Variants in ELMO1 observed in about 807,000 individuals in gnomAD.
ELMO1 encodes the protein engulfment and cell motility protein 1.
A neutral mutation model predicts 98.9 loss-of-function variants in ELMO1; 26 were observed. The ratio of observed to expected loss-of-function variants is 0.26; its 90% CI spans 0.19 to 0.36. ELMO1 has a LOEUF of 0.36. Among genes scored for constraint, ELMO1 ranks in the 10% least tolerant of loss-of-function variants. The probability of loss-of-function intolerance (pLI) is 1.00; values close to 1 mark genes in which losing one functional copy is unlikely to be tolerated. For missense variants in ELMO1, 627 were observed against 935.2 expected, an observed-to-expected ratio of 0.67 and a Z score of 4.30; for synonymous variants, 346 against 346.0, an observed-to-expected ratio of 1.00 and a Z score of 0.00.
intron 16 of ELMO1, among the ~76,000 whole-genome samples, chr7:36,917,095 G>A (rs1784743487): frequency 6.6e-6 from 1 of 152,172 alleles, no homozygotes; most frequent in Non-Finnish European, 1.5e-5. Context: ...AAATGTTTTA[G>A]TGCAAATAAT....
At chr7:37,163,603 T>C (rs1427599666) in intron 13 of ELMO1, among the ~76,000 whole-genome samples, 1 of 152,158 alleles carries the variant, frequency 6.6e-6, no homozygotes, top group Admixed American at 6.5e-5. Context: ...TTTGGTTTTT[T>C]GTTCTTGCGA....
intron 1 of ELMO1, among the ~76,000 whole-genome samples, chr7:37,387,745 G>T (rs990959206): frequency 1.3e-5 from 2 of 152,186 alleles, no homozygotes; most frequent in Admixed American, 1.3e-4. Flanking sequence ...ATGTACTTTT[G>T]TATAGAAAAG....
intron 18 of ELMO1, among the ~76,000 whole-genome samples, chr7:36,878,940 T>C (rs1370401803): frequency 1.3e-5 from 2 of 152,216 alleles, no homozygotes; most frequent in African/African-American, 4.8e-5. Flanking sequence ...TGCAGCTGTC[T>C]CCTCCAGGAA....
chr7:37,150,512 T>C (rs563611286), intron 13 of ELMO1, among the ~76,000 whole-genome samples: 31 of 152,196 alleles, frequency 2.0e-4, no homozygotes, highest in Middle Eastern at 6.8e-3. Context: ...TTTATGTGCA[T>C]AGAGTATTTA....
intron 4 of ELMO1, among the ~76,000 whole-genome samples, chr7:37,286,996 C>A (rs1010301900): frequency 3.9e-5 from 6 of 152,126 alleles, no homozygotes; most frequent in African/African-American, 1.4e-4. Flanking sequence ...AGTTTGACAG[C>A]AGCCTGGCCA....
At chr7:36,860,489 A>G (rs997795638) in intron 21 of ELMO1, among the ~76,000 whole-genome samples, 2 of 152,260 alleles carry the variant, frequency 1.3e-5, no homozygotes, top group African/African-American at 4.8e-5. Flanking sequence ...CATTGTATCT[A>G]TAAGAAGTGG....
At chr7:37,400,154 G>C (rs1376497990) in intron 1 of ELMO1, among the ~76,000 whole-genome samples, 1 of 152,200 alleles carries the variant, frequency 6.6e-6, no homozygotes, top group Non-Finnish European at 1.5e-5. Context: ...TTGTAAATGA[G>C]ATGACACATG....
At chr7:37,259,789 ACT>A (rs1300821309) in intron 5 of ELMO1, among the ~76,000 whole-genome samples, 2 of 152,194 alleles carry the variant, frequency 1.3e-5, no homozygotes, top group African/African-American at 4.8e-5. Context: ...TTCAGTCAAT[ACT>A]CTGAGTAATA....
chr7:37,334,908 G>C (rs1344027040), intron 2 of ELMO1, among the ~76,000 whole-genome samples: 1 of 152,148 alleles, frequency 6.6e-6, no homozygotes, highest in Non-Finnish European at 1.5e-5. Flanking sequence ...GGGTAGGCGT[G>C]CTATTATAAT....
Position 36,886,612 on chromosome 7 carries a change from C to T in ELMO1, c.1714+948G>A, listed in dbSNP as rs551778152. On this transcript the variant is annotated intron_variant, in intron 18 of 21. Coordinates refer to ENST00000310758, the MANE Select transcript of ELMO1 (RefSeq NM_014800.11). ...CTTCTTCAATCTCTTTGCCTCTTCC[C>T]AAATCTTACTTTTCAGTTTTATGCT... Among the ~76,000 whole-genome samples the T allele has an allele frequency of 1.6e-4, 24 of 152,232 alleles. No homozygotes were observed. The South Asian group carries it at 4.1e-3, about 26-fold the overall frequency.
intron 4 of ELMO1, among the ~76,000 whole-genome samples, chr7:37,282,449 C>A (rs1381421811): frequency 6.6e-6 from 1 of 152,248 alleles, no homozygotes; most frequent in Non-Finnish European, 1.5e-5. Context: ...TTTTGTCCAA[C>A]TGTGTGTCCA....
intron 14 of ELMO1, among the ~76,000 whole-genome samples, chr7:37,127,919 T>G (rs191630452): frequency 6.6e-6 from 1 of 152,244 alleles, no homozygotes; most frequent in African/African-American, 2.4e-5. Context: ...TTGGCTGGGC[T>G]CGGTGACTCA....
At chr7:37,293,255 T>A (rs374671438) in intron 4 of ELMO1, among the ~76,000 whole-genome samples, 1 of 136,024 alleles carries the variant, frequency 7.4e-6, no homozygotes, top group Non-Finnish European at 1.7e-5. Context: ...ATGATGACAA[T>A]GGCGGTTTTG....
intron 5 of ELMO1, among the ~76,000 whole-genome samples, chr7:37,264,156 G>C (rs190461265): frequency 4.7e-4 from 71 of 152,254 alleles, no homozygotes; most frequent in Admixed American, 4.6e-3. Flanking sequence ...ATGGGAGGTG[G>C]GAATATGCGC....
intron 2 of ELMO1, among the ~76,000 whole-genome samples, chr7:37,338,338 G>C (rs540088012): frequency 1.3e-5 from 2 of 152,252 alleles, no homozygotes; most frequent in Admixed American, 1.3e-4. Flanking sequence ...TGGCCCCCAT[G>C]GTGGTGGTAT....
intron 5 of ELMO1, among the ~76,000 whole-genome samples, chr7:37,261,458 T>G (rs535743941): frequency 1.3e-5 from 2 of 152,154 alleles, no homozygotes; most frequent in Non-Finnish European, 2.9e-5. Flanking sequence ...AGGTCTGGGG[T>G]GGGGTCCCAA....
intron 13 of ELMO1, among the ~76,000 whole-genome samples, chr7:37,194,056 T>C (rs906539200): frequency 3.3e-5 from 5 of 152,188 alleles, no homozygotes; most frequent in Non-Finnish European, 7.3e-5. Flanking sequence ...ACTTGACACA[T>C]GAAGACTGGA....
intron 7 of ELMO1, among the ~76,000 whole-genome samples, chr7:37,238,010 A>G (rs1384729915): frequency 6.6e-6 from 1 of 152,234 alleles, no homozygotes; most frequent in Admixed American, 6.5e-5. Context: ...CATTTTGGCT[A>G]TTCTAGGTCC....
rs770428171 is a variant in ELMO1 at position 37,224,920 on chromosome 7, C to T, written c.660G>A (p.Ala220=). Residue 220 remains alanine (A), a synonymous_variant, in exon 9 of 22, where the codon GCG becomes GCA. Transcript: ENST00000310758. ...LNSHDLYQKV[A]QEITIGQLIP... Reference sequence around the variant, plus strand: ...TGAGCTGGCCGATGGTGATCTCCTGCGCCACTTTCTGGTAGAGGTCATGGC... The same window carrying T: ...TGAGCTGGCCGATGGTGATCTCCTGTGCCACTTTCTGGTAGAGGTCATGGC... 1.8e-5 allele frequency: 29 copies of T among 1,613,982 alleles called. No homozygotes were observed. The Middle Eastern group carries it at 4.9e-4, about 27-fold the overall frequency.
Sources: gnomAD v4.1 joint callset for allele counts (sites outside exome capture counted in the v4.1 genomes callset) on GRCh38, gnomAD v4.1.1 for gene constraint, MANE v1.5 for transcripts, NCBI Gene and HGNC (gene_info 2026-07-23, HGNC 2026-07-21) for gene names.